The following TTLL7 variants were observed in gnomAD, a reference collection of about 807,000 sequenced individuals.
TTLL7 encodes the protein tubulin polyglutamylase TTLL7.
A neutral mutation model predicts 120.2 loss-of-function variants in TTLL7; 53 were observed. The ratio of observed to expected loss-of-function variants is 0.44; its 90% CI spans 0.35 to 0.55. The LOEUF is 0.55. Ranked by LOEUF, TTLL7 falls within the 20% of genes least tolerant of loss-of-function variation. The pLI, the probability that TTLL7 is intolerant of heterozygous loss-of-function variation, is 0.00. For missense variants in TTLL7, 803 were observed against 1,054.7 expected, an observed-to-expected ratio of 0.76 and a Z score of 3.31; for synonymous variants, 353 against 351.7, an observed-to-expected ratio of 1.00 and a Z score of -0.04.
At chr1:83,961,096 A>G (rs992850723) in intron 1 of TTLL7, among the ~76,000 whole-genome samples, 12 of 152,172 alleles carry the variant, frequency 7.9e-5, no homozygotes, top group African/African-American at 2.7e-4. Context: ...ACCTTGAGCA[A>G]CAGTAACTCC....
intron 19 of TTLL7, among the ~76,000 whole-genome samples, chr1:83,888,461 T>C (rs750431765): frequency 6.6e-6 from 1 of 151,976 alleles, no homozygotes; most frequent in Non-Finnish European, 1.5e-5. Context: ...AGTCTCCAAA[T>C]GATATGAATG....
chr1:83,937,100 G>A (rs1335475612), intron 8 of TTLL7, among the ~76,000 whole-genome samples: 5 of 152,120 alleles, frequency 3.3e-5, no homozygotes, highest in Non-Finnish European at 7.3e-5. Context: ...ATATTCAACA[G>A]AGGTCACATA....
At chr1:83,919,977 C>A (rs1658506863) in intron 12 of TTLL7, 143 bp from the exon 13 acceptor site, 6 of 582,848 alleles carry the variant, frequency 1.0e-5, no homozygotes, top group Non-Finnish European at 1.7e-5. Context: ...CTGATTAGTG[C>A]AAAATGATAT....
chr1:83,980,666 G>A (rs975769232), intron 1 of TTLL7: 3 of 152,242 alleles, frequency 2.0e-5, no homozygotes, highest in Non-Finnish European at 4.4e-5. Flanking sequence ...CAAAGAAAAT[G>A]ATAAATCTGA....
chr1:83,950,080 T>C (rs888222294), intron 3 of TTLL7, 94 bp from the exon 4 acceptor site: 2 of 1,143,850 alleles, frequency 1.7e-6, no homozygotes, highest in Non-Finnish European at 2.4e-6. Context: ...TAGTTCATAG[T>C]ATTTCATTTG....
chr1:83,976,970 C>T (rs1396523622), intron 1 of TTLL7, among the ~76,000 whole-genome samples: 1 of 151,846 alleles, frequency 6.6e-6, no homozygotes, highest in Admixed American at 6.6e-5. Context: ...TACCTATGTT[C>T]GTCTATATTA....
At chr1:83,983,817 T>TG (rs1391439035) in intron 1 of TTLL7, 1 of 150,866 alleles carries the variant, frequency 6.6e-6, no homozygotes, top group African/African-American at 2.4e-5. Context: ...AAAGGCTGAG[T>TG]GCAGTGGCTC....
At chr1:83,985,073 G>C (rs1003782057) in intron 1 of TTLL7, among the ~76,000 whole-genome samples, 8 of 152,314 alleles carry the variant, frequency 5.3e-5, no homozygotes, top group Middle Eastern at 3.4e-3. Flanking sequence ...GAGTTTATTA[G>C]GGAGAATTGG....
chr1:83,953,269 A>G (rs1210873021), intron 1 of TTLL7, among the ~76,000 whole-genome samples: 1 of 152,186 alleles, frequency 6.6e-6, no homozygotes, highest in Non-Finnish European at 1.5e-5. Flanking sequence ...AGTCTGTACT[A>G]TCAACTTTCT....
rs572289399 is a variant in TTLL7 at position 83,977,504 on chromosome 1, GT to G, written c.-177+21426del. On this transcript the variant is annotated intron_variant, in intron 1 of 20. Coordinates refer to ENST00000260505, the MANE Select transcript of TTLL7 (RefSeq NM_024686.6). The stretch of plus-strand genomic sequence containing the variant: ...GGCCTAAATCAAATGACTTTATGAT[GT>G]TTTACTTTATGCAGCCTGACTTAAC... Among the ~76,000 whole-genome samples the G allele has an allele frequency of 2.1e-4, 32 of 151,920 alleles. No homozygotes were observed. The South Asian group carries it at 5.8e-3, about 28-fold the overall frequency.
At chr1:83,981,392 T>A (rs1311096313) in intron 1 of TTLL7, 2 of 150,606 alleles carry the variant, frequency 1.3e-5, no homozygotes, top group Admixed American at 1.3e-4. Context: ...CAAAAAAAAA[T>A]CACTAGAGCC....
At chr1:83,922,892 G>A (rs945437326) in intron 10 of TTLL7, among the ~76,000 whole-genome samples, 2 of 150,794 alleles carry the variant, frequency 1.3e-5, no homozygotes, top group Non-Finnish European at 3.0e-5. Context: ...TGAGGGCTTG[G>A]AACAGGGGAG....
At chr1:83,970,415 T>C (rs79772914) in intron 1 of TTLL7, among the ~76,000 whole-genome samples, 7,121 of 152,096 alleles carry the variant, frequency 0.047, 227 homozygotes, top group Middle Eastern at 0.11. Flanking sequence ...GAACATACAG[T>C]ACACACTGAA....
At chr1:83,962,691 G>A (rs1650115220) in intron 1 of TTLL7, among the ~76,000 whole-genome samples, 1 of 152,078 alleles carries the variant, frequency 6.6e-6, no homozygotes, top group Non-Finnish European at 1.5e-5. Flanking sequence ...TGAAGTGTAA[G>A]CAGAAGTTGT....
At chr1:83,924,309 A>T (rs2100803040) in intron 10 of TTLL7, among the ~76,000 whole-genome samples, 1 of 152,332 alleles carries the variant, frequency 6.6e-6, no homozygotes, top group East Asian at 1.9e-4. Flanking sequence ...TAGAATGTCA[A>T]ACTTGAGCTA....
In TTLL7 at chr1:83,998,914, C is replaced by T. The variant is rs1308291393; in HGVS notation, c.-177+17G>A. 2 of 385,764 alleles carry T rather than the reference C, an allele frequency of 5.2e-6. No individual in the cohort carries two copies. The highest frequency in any genetic ancestry group is 5.6e-5 in the Admixed American group (2 of 35,794). 23.9% of individuals were successfully genotyped at this position (385,764 alleles called of 1,614,324 possible). On this transcript the variant is annotated intron_variant, in intron 1 of 20. Transcript: ENST00000260505. ...ATGGAAGGGGGTCGGGGGAGGATGG[C>T]GGCAGCAGGTACTCACCCGGGTGAG...
intron 6 of TTLL7, among the ~76,000 whole-genome samples, chr1:83,945,177 G>C (rs1263065678): frequency 6.6e-6 from 1 of 152,152 alleles, no homozygotes; most frequent in African/African-American, 2.4e-5. Context: ...AATGTAAATA[G>C]ATTAACTCTC....
intron 1 of TTLL7, among the ~76,000 whole-genome samples, chr1:83,986,542 T>C (rs965256861): frequency 6.6e-6 from 1 of 152,198 alleles, no homozygotes; most frequent in Admixed American, 6.5e-5. Context: ...ACTGATTTCC[T>C]TCTATGATTA....
chr1:83,943,796 T>C (rs1360675218), intron 6 of TTLL7, among the ~76,000 whole-genome samples: 3 of 152,182 alleles, frequency 2.0e-5, no homozygotes, highest in South Asian at 4.1e-4. Context: ...TATCAATTAA[T>C]AGAAACAGTT....
Sources: gnomAD v4.1 joint callset for allele counts (sites outside exome capture counted in the v4.1 genomes callset) on GRCh38, gnomAD v4.1.1 for gene constraint, MANE v1.5 for transcripts, NCBI Gene and HGNC (gene_info 2026-07-23, HGNC 2026-07-21) for gene names.